The following GPR171 variants were observed in gnomAD, a reference collection of about 807,000 sequenced individuals.
GPR171 encodes F730001G15Rik.
GPR171 carries 14 observed loss-of-function variants against 16.7 expected under a neutral mutation model. The observed-to-expected ratio is 0.84, with a 90% CI of 0.55 to 1.31. GPR171 has a LOEUF of 1.31. Ranked by LOEUF, GPR171 falls within the 40% of genes most tolerant of loss-of-function variation. The pLI, the probability that GPR171 is intolerant of heterozygous loss-of-function variation, is 0.00. For missense variants in GPR171, 337 were observed against 378.9 expected (o/e 0.89, Z 0.92); for synonymous variants, 134 against 135.6 (o/e 0.99, Z 0.08).
Position 151,200,247 on chromosome 3 carries a change from G to T in GPR171, c.-54+662C>A, listed in dbSNP as rs1056703376. The stretch of plus-strand genomic sequence containing the variant: ...CAAATCTGGAACATTGAGCGGGTTT[G>T]TAAGCTCAAGTTAAACTGATAGGGC... On this transcript the variant is annotated intron_variant, in intron 2 of 2. Transcript: ENST00000309180. Among the ~76,000 whole-genome samples the T allele has an allele frequency of 2.6e-5, 4 of 152,240 alleles. No homozygotes were observed. In the South Asian group the frequency reaches 8.3e-4, roughly 32 times the overall value.
chr3:151,199,106 A>T lies in GPR171; in HGVS notation c.281T>A (p.Ile94Asn). The T allele has an allele frequency of 6.2e-7, 1 of 1,614,072 alleles. No individual in the cohort carries two copies. The highest frequency in any genetic ancestry group is 8.5e-7 in the Non-Finnish European group (1 of 1,179,914). ...IFHCQVTACL[I>N]YINMYLSIIF... Reference sequence around the variant, plus strand: ...AATTGATAAATACATATTGATATAGATGAGGCAGGCTGTTACTTGGCAGTG... The same window carrying T: ...AATTGATAAATACATATTGATATAGTTGAGGCAGGCTGTTACTTGGCAGTG... Residue 94 changes from isoleucine (I) to asparagine (N), a missense_variant, in exon 3 of 3, where the codon ATC becomes AAC. Coordinates refer to ENST00000309180, the MANE Select transcript of GPR171 (RefSeq NM_013308.4).
At chr3:151,201,287 G>C (rs1374026529) in intron 1 of GPR171, among the ~76,000 whole-genome samples, 2 of 151,794 alleles carry the variant, frequency 1.3e-5, no homozygotes, top group East Asian at 3.9e-4. Context: ...CATCCAATAA[G>C]TTTAAACCAA....
rs960856320 is a variant in GPR171, at chr3:151,199,292, C to A, written c.95G>T (p.Ser32Ile). 1 of 1,613,918 alleles carries A rather than the reference C, an allele frequency of 6.2e-7. No individual in the cohort carries two copies. Among genetic ancestry groups the A allele is most frequent in the South Asian group, 1.1e-5 (1 of 91,072 alleles). Residue 32 changes from serine to isoleucine, a missense_variant, in exon 3 of 3, where the codon AGT becomes ATT. Transcript: ENST00000309180. ...TATAAAAGCCCAGGTTGCAAAACAA[C>A]TTCCAATAATTCCAACAAGGAAAAC... Reference protein sequence around the residue: ...YLVFLVGIIGSCFATWAFIQK... With the variant: ...YLVFLVGIIGICFATWAFIQK...
chr3:151,198,544 A>C lies in GPR171; in HGVS notation c.843T>G (p.Asp281Glu). 3 of 1,614,054 alleles carry C rather than the reference A, an allele frequency of 1.9e-6. No individual in the cohort carries two copies. The highest frequency in any genetic ancestry group is 2.5e-6 in the Non-Finnish European group (3 of 1,179,992). Residue 281 changes from aspartate (D) to glutamate (E), a missense_variant, in exon 3 of 3, where the codon GAT becomes GAG. Physicochemically the swap from Asp to Glu is conservative, Grantham distance 45. Coordinates refer to ENST00000309180, the MANE Select transcript of GPR171 (RefSeq NM_013308.4). The stretch of plus-strand genomic sequence containing the variant: ...TTGAGAGGTGATAGTACAGGATAGG[A>C]TCAAAGCACAGGTTCGACACAGCCA... ...LLLAVSNLCF[D>E]PILYYHLSKA... is the part of the protein sequence containing the mutation.
chr3:151,198,653 G>A lies in GPR171; in HGVS notation c.734C>T (p.Pro245Leu), dbSNP rs768106372. The A allele has an allele frequency of 3.7e-6, 6 of 1,614,052 alleles. No individual in the cohort carries two copies. The highest frequency in any genetic ancestry group is 1.7e-5 in the Admixed American group (1 of 60,008). ...GACTTCTGTCTGGCTGAGGGTATAC[G>A]GGATTCGGACAATGTGGTAAGGAAC... ...CFVPYHIVRI[P>L]YTLSQTEVIT... The change falls in exon 3 of 3, where the codon CCG becomes CTG. Residue 245 changes from proline (P) to leucine (L), a missense_variant. Coordinates refer to ENST00000309180, the MANE Select transcript of GPR171 (RefSeq NM_013308.4).
In GPR171 at chr3:151,198,640, G is replaced by A; in HGVS notation, c.747C>T (p.Ser249=). ...YHIVRIPYTL[S]QTEVITDCST... ...AGCAATCAGTTATGACTTCTGTCTG[G>A]CTGAGGGTATACGGGATTCGGACAA... Residue 249 remains serine, a synonymous_variant, in exon 3 of 3, where the codon AGC becomes AGT. Coordinates refer to ENST00000309180, the MANE Select transcript of GPR171 (RefSeq NM_013308.4). The A allele has an allele frequency of 1.2e-6, 2 of 1,613,970 alleles. No individual in the cohort carries two copies. Among genetic ancestry groups the A allele is most frequent in the Non-Finnish European group, 1.7e-6 (2 of 1,179,880 alleles).
chr3:151,198,422 G>C lies in GPR171; in HGVS notation c.*5C>G. The C allele has an allele frequency of 6.3e-7, 1 of 1,581,176 alleles. No individual in the cohort carries two copies. Among genetic ancestry groups the C allele is most frequent in the Middle Eastern group, 1.7e-4 (1 of 5,892 alleles). ...CAGAATTGGTAGCACAAAAAATCCTGTCTTTTATGCATTATTTTCACATCT... is the reference window on the plus strand; with the variant it reads ...CAGAATTGGTAGCACAAAAAATCCTCTCTTTTATGCATTATTTTCACATCT... On this transcript the variant is annotated 3_prime_UTR_variant, in exon 3 of 3. Coordinates refer to ENST00000309180, the MANE Select transcript of GPR171 (RefSeq NM_013308.4).
chr3:151,198,269 A>G lies in GPR171; in HGVS notation c.*158T>C. ...TAACAATAAAGCTTGACTTGCATTTAGAAACAGGATTTCTAAGTAAACCTG... is the reference window on the plus strand; with the variant it reads ...TAACAATAAAGCTTGACTTGCATTTGGAAACAGGATTTCTAAGTAAACCTG... On this transcript the variant is annotated 3_prime_UTR_variant, in exon 3 of 3. Transcript: ENST00000309180. 1.8e-6 allele frequency: 1 copy of G among 552,316 alleles called. No individual in the cohort carries two copies. The highest frequency in any genetic ancestry group is 3.0e-6 in the Non-Finnish European group (1 of 331,056). 34.2% of individuals were successfully genotyped at this position (552,316 alleles called of 1,614,324 possible).
In GPR171 at chr3:151,200,890, G is replaced by T. The variant is rs1297096604; in HGVS notation, c.-54+19C>A. On this transcript the variant is annotated intron_variant, in intron 2 of 2. Transcript: ENST00000309180. Reference sequence around the variant, plus strand: ...CTGCTTTACAGATGAGGAAATTGAGGCATAATGGGGTTACTTACCCAAGGT... The same window carrying T: ...CTGCTTTACAGATGAGGAAATTGAGTCATAATGGGGTTACTTACCCAAGGT... The T allele has an allele frequency of 1.3e-5, 2 of 152,182 alleles. No homozygotes were observed. Among genetic ancestry groups the T allele is most frequent in the African/African-American group, 4.8e-5 (2 of 41,432 alleles). The allele number at this position is 152,182 out of a possible 1,614,324, so 9.4% of individuals were successfully genotyped here. A position where few individuals can be genotyped will look rare whatever the true frequency, so the allele number is the denominator to read the frequency against.
Position 151,199,190 on chromosome 3 carries a change from G to T in GPR171, c.197C>A (p.Ala66Glu). Residue 66 changes from alanine to glutamate, a missense_variant, in exon 3 of 3, where the codon GCA becomes GAA. Coordinates refer to ENST00000309180, the MANE Select transcript of GPR171 (RefSeq NM_013308.4). ...LLTADFLLTL[A>E]LPVKIVVDLG... ...GTCAACAACAATTTTCACTGGTAAT[G>T]CCAGAGTAAGCAGGAAATCGGCTGT... is the stretch of plus-strand genomic sequence containing the variant. The T allele has an allele frequency of 6.2e-7, 1 of 1,614,034 alleles. No individual in the cohort carries two copies. Among genetic ancestry groups the T allele is most frequent in the Non-Finnish European group, 8.5e-7 (1 of 1,179,866 alleles).
At position 151,198,654 on chromosome 3, in the gene GPR171, G is replaced by T; in HGVS notation, c.733C>A (p.Pro245Thr). Residue 245 changes from proline to threonine, a missense_variant, in exon 3 of 3, where the codon CCG (proline) becomes ACG (threonine). By Grantham distance (38) the Pro-to-Thr change is conservative. Coordinates refer to ENST00000309180, the MANE Select transcript of GPR171 (RefSeq NM_013308.4). ...CFVPYHIVRI[P>T]YTLSQTEVIT... is the part of the protein sequence containing the mutation. ...ACTTCTGTCTGGCTGAGGGTATACG[G>T]GATTCGGACAATGTGGTAAGGAACA... 6.2e-7 allele frequency: 1 copy of T among 1,614,024 alleles called. No homozygotes were observed. The highest frequency in any genetic ancestry group is 8.5e-7 in the Non-Finnish European group (1 of 1,179,974).
At position 151,199,159 on chromosome 3, in the gene GPR171, A is replaced by G. The variant is rs1354375915; in HGVS notation, c.228T>C (p.Gly76=). ...ATATCTTCAGCTTCCAAGGTGCCAC[A>G]CCCAAGTCAACAACAATTTTCACTG... ...ALPVKIVVDL[G]VAPWKLKIFH... is the part of the protein sequence containing the mutation. Residue 76 remains glycine (G), a synonymous_variant, in exon 3 of 3, where the codon GGT becomes GGC. Transcript: ENST00000309180. 6.2e-7 allele frequency: 1 copy of G among 1,614,186 alleles called. No homozygotes were observed. Among genetic ancestry groups the G allele is most frequent in the South Asian group, 1.1e-5 (1 of 91,082 alleles).
At position 151,198,590 on chromosome 3, in the gene GPR171, G is replaced by A; in HGVS notation, c.797C>T (p.Ala266Val). The change falls in exon 3 of 3, where the codon GCC becomes GTC. Residue 266 changes from alanine (A) to valine (V), a missense_variant. By Grantham distance (64) the Ala-to-Val change is moderately conservative. Coordinates refer to ENST00000309180, the MANE Select transcript of GPR171 (RefSeq NM_013308.4). ...DCSTRISLFK[A>V]KEATLLLAVS... ...AGCCAGGAGCAGTGTAGCCTCTTTG[G>A]CTTTGAAGAGTGAAATCCTGGTTGA... 6.2e-7 allele frequency: 1 copy of A among 1,613,986 alleles called. No individual in the cohort carries two copies. Among genetic ancestry groups the A allele is most frequent in the Non-Finnish European group, 8.5e-7 (1 of 1,179,896 alleles).
chr3:151,202,855 A>G (rs1435819429), intron 1 of GPR171, among the ~76,000 whole-genome samples: 1 of 152,194 alleles, frequency 6.6e-6, no homozygotes, highest in African/African-American at 2.4e-5. Flanking sequence ...GTTACTGAAT[A>G]GTTATGCTCG....
In GPR171 at chr3:151,197,904, T is replaced by A. The variant is rs910915219; in HGVS notation, c.*523A>T. ...TAGAAAAAAATTCGACATTAAAAAT[T>A]GGAGGAATAATGAGTTGAAAGATTA... On this transcript the variant is annotated 3_prime_UTR_variant, in exon 3 of 3. Transcript: ENST00000309180. 1 of 152,586 alleles carries A rather than the reference T, an allele frequency of 6.6e-6. No homozygotes were observed. The highest frequency in any genetic ancestry group is 1.5e-5 in the Non-Finnish European group (1 of 68,018). 9.5% of individuals were successfully genotyped at this position (152,586 alleles called of 1,614,324 possible).
rs544861972 is a variant in GPR171 at position 151,198,277 on chromosome 3, G to C, written c.*150C>G. ...AAGCTTGACTTGCATTTAGAAACAG[G>C]ATTTCTAAGTAAACCTGTCCATATT... On this transcript the variant is annotated 3_prime_UTR_variant, in exon 3 of 3. Coordinates refer to ENST00000309180, the MANE Select transcript of GPR171 (RefSeq NM_013308.4). 13 of 561,024 alleles carry C rather than the reference G, an allele frequency of 2.3e-5. No individual in the cohort carries two copies. Among genetic ancestry groups the C allele is most frequent in the Non-Finnish European group, 3.8e-5 (13 of 340,478 alleles). The allele number at this position is 561,024 out of a possible 1,614,324, so 34.8% of individuals were successfully genotyped here. A position where few individuals can be genotyped will look rare whatever the true frequency, so the allele number is the denominator to read the frequency against.
At position 151,198,286 on chromosome 3, in the gene GPR171, G is replaced by A; in HGVS notation, c.*141C>T. 1 of 602,378 alleles carries A rather than the reference G, an allele frequency of 1.7e-6. No homozygotes were observed. Among genetic ancestry groups the A allele is most frequent in the Non-Finnish European group, 2.7e-6 (1 of 373,628 alleles). The allele number at this position is 602,378 out of a possible 1,614,324, so 37.3% of individuals were successfully genotyped here. ...TTGCATTTAGAAACAGGATTTCTAA[G>A]TAAACCTGTCCATATTTGCTAGCTA... is the stretch of plus-strand genomic sequence containing the variant. On this transcript the variant is annotated 3_prime_UTR_variant, in exon 3 of 3. Transcript: ENST00000309180.
At chr3:151,202,997 T>A (rs1311898161) in intron 1 of GPR171, 107 bp downstream of exon 1, 1 of 152,174 alleles carries the variant, frequency 6.6e-6, no homozygotes, top group East Asian at 1.9e-4. Context: ...TGCTTTTTTT[T>A]TATACAGCTT....
chr3:151,203,000 T>A (rs1725855596), intron 1 of GPR171, 104 bp downstream of exon 1: 1 of 152,188 alleles, frequency 6.6e-6, no homozygotes, highest in Admixed American at 6.5e-5. Context: ...TTTTTTTTTA[T>A]ACAGCTTGGC....
Sources: allele counts gnomAD v4.1 joint callset (sites outside exome capture counted in the v4.1 genomes callset), GRCh38; gene constraint gnomAD v4.1.1; transcripts MANE v1.5; gene names NCBI Gene and HGNC (gene_info 2026-07-23, HGNC 2026-07-21).